The following DCAF8L2 variants were observed in gnomAD, a reference collection of about 807,000 sequenced individuals.
DCAF8L2 encodes the protein DDB1- and CUL4-associated factor 8-like protein 2.
For synonymous variants in DCAF8L2, 200 were observed against 190.9 expected (o/e 1.05, Z -0.39); for missense variants, 430 against 490.7 (o/e 0.88, Z 1.17).
At chrX:27,510,300 T>C in the DCAF8L2 span, among the ~76,000 whole-genome samples, 1 of 110,191 alleles carries the variant, frequency 9.1e-6, no homozygotes, top group Admixed American at 9.8e-5. Context: ...CAGAGTGGTG[T>C]GTAGGATGTA....
At chrX:27,735,854 A>G (rs1041376623) in intron 4 of DCAF8L2, among the ~76,000 whole-genome samples, 1 of 111,602 alleles carries the variant, frequency 9.0e-6, no homozygotes, top group Non-Finnish European at 1.9e-5. Context: ...ATAGAATCGG[A>G]AATTTAGGCC....
chrX:27,619,563 G>T (rs755585684), intron 1 of DCAF8L2, among the ~76,000 whole-genome samples: 4 of 111,732 alleles, frequency 3.6e-5, no homozygotes, highest in Non-Finnish European at 7.5e-5. Context: ...AGTTGGCACA[G>T]AAGTCAGGAA....
the DCAF8L2 span, among the ~76,000 whole-genome samples, chrX:27,569,280 GC>G: frequency 1.3e-4 from 15 of 111,255 alleles, no homozygotes; most frequent in Non-Finnish European, 1.5e-4. Context: ...TATCTTTCAG[GC>G]TTGTTTCTGT....
At chrX:27,626,664 T>C (rs1188307981) in intron 1 of DCAF8L2, among the ~76,000 whole-genome samples, 2 of 112,119 alleles carry the variant, frequency 1.8e-5, no homozygotes, top group Non-Finnish European at 3.8e-5. Flanking sequence ...CTTATGAAGA[T>C]AAGTCACCAT....
chrX:27,542,699 C>T, the DCAF8L2 span, among the ~76,000 whole-genome samples: 1 of 106,785 alleles, frequency 9.4e-6, no homozygotes, highest in Non-Finnish European at 1.9e-5. Context: ...CCCGCCACTA[C>T]GCCCGGCTAA....
At chrX:27,592,534 T>TCCCCTGCCTC (rs1926159728) in intron 1 of DCAF8L2, among the ~76,000 whole-genome samples, 1 of 109,297 alleles carries the variant, frequency 9.1e-6, no homozygotes, top group Non-Finnish European at 1.9e-5. Context: ...CCTCCTGGGT[T>TCCCCTGCCTC]CAAGCGATTC....
In DCAF8L2 at chrX:27,748,203, G is replaced by C; in HGVS notation, c.1308G>C (p.Glu436Asp). 1 of 1,212,091 alleles carries C rather than the reference G, an allele frequency of 8.3e-7. No homozygotes were observed. The highest frequency in any genetic ancestry group is 1.1e-6 in the Non-Finnish European group (1 of 895,590). The change falls in exon 5 of 5, where the codon GAG (glutamate) becomes GAC (aspartate). Residue 436 changes from glutamate (E) to aspartate (D), a missense_variant. Transcript: ENST00000451261. Reference protein sequence around the residue: ...TCVVYSHDGTELLASYNDDDI... With the variant: ...TCVVYSHDGTDLLASYNDDDI... Reference sequence around the variant, plus strand: ...TTGTGTACAGCCACGATGGCACAGAGCTGCTAGCCAGCTACAATGATGACG... The same window carrying C: ...TTGTGTACAGCCACGATGGCACAGACCTGCTAGCCAGCTACAATGATGACG...
the DCAF8L2 span, among the ~76,000 whole-genome samples, chrX:27,511,998 G>A: frequency 5.4e-5 from 6 of 112,011 alleles, no homozygotes; most frequent in African/African-American, 1.9e-4. Flanking sequence ...AAACATTGAT[G>A]AAAGAAATTG....
chrX:27,565,862 C>A, the DCAF8L2 span, among the ~76,000 whole-genome samples: 1 of 110,205 alleles, frequency 9.1e-6, no homozygotes, highest in East Asian at 2.9e-4. Flanking sequence ...CTTGGTGGGG[C>A]CGGGGGATCT....
the DCAF8L2 span, among the ~76,000 whole-genome samples, chrX:27,557,373 T>C: frequency 8.9e-6 from 1 of 112,080 alleles, no homozygotes; most frequent in Non-Finnish European, 1.9e-5. Context: ...ATTTTAAAGG[T>C]TAATTTCGTC....
intron 2 of DCAF8L2, among the ~76,000 whole-genome samples, chrX:27,634,183 C>G (rs897290625): frequency 2.7e-5 from 3 of 111,542 alleles, no homozygotes; most frequent in African/African-American, 6.5e-5. Context: ...GTTATAACGT[C>G]CTAACTTGTC....
chrX:27,601,013 C>A (rs1167490593), intron 1 of DCAF8L2, among the ~76,000 whole-genome samples: 2 of 110,091 alleles, frequency 1.8e-5, no homozygotes, highest in African/African-American at 6.6e-5. Flanking sequence ...TCATAGCTCA[C>A]TGCAGCCTGG....
intron 2 of DCAF8L2, among the ~76,000 whole-genome samples, chrX:27,653,988 C>T (rs752259424): frequency 9.0e-6 from 1 of 111,643 alleles, no homozygotes. Context: ...CCCTCTCCTT[C>T]CAGGCACTTG....
chrX:27,563,097 A>G, the DCAF8L2 span, among the ~76,000 whole-genome samples: 1 of 111,701 alleles, frequency 9.0e-6, no homozygotes, highest in African/African-American at 3.3e-5. Context: ...TCTTATTTGC[A>G]TATATTTATA....
chrX:27,545,589 T>C, the DCAF8L2 span, among the ~76,000 whole-genome samples: 3 of 111,476 alleles, frequency 2.7e-5, no homozygotes, highest in African/African-American at 9.8e-5. Flanking sequence ...GGAGCGGATT[T>C]CCCCCTTGCT....
chrX:27,519,757 G>A, the DCAF8L2 span: 38 of 547,470 alleles, frequency 6.9e-5, no homozygotes, highest in East Asian at 9.0e-4. Flanking sequence ...CCAAGCCAGA[G>A]ATGAAACCAA....
At chrX:27,580,790 C>G in the DCAF8L2 span, among the ~76,000 whole-genome samples, 1 of 111,545 alleles carries the variant, frequency 9.0e-6, no homozygotes. Flanking sequence ...TGATAGAACC[C>G]TTTAATGCTG....
the DCAF8L2 span, among the ~76,000 whole-genome samples, chrX:27,469,112 C>T: frequency 8.9e-6 from 1 of 111,855 alleles, no homozygotes; most frequent in African/African-American, 3.2e-5. Context: ...AATCTGCTCA[C>T]ACCTCATGAA....
At chrX:27,533,257 A>T in the DCAF8L2 span, among the ~76,000 whole-genome samples, 739 of 101,866 alleles carry the variant, frequency 7.3e-3, 8 homozygotes, top group African/African-American at 0.013. Context: ...AGAAAGAAAG[A>T]AAGTCAAGCC....
Sources: gnomAD v4.1 joint callset for allele counts (sites outside exome capture counted in the v4.1 genomes callset) on GRCh38, gnomAD v4.1.1 for gene constraint, MANE v1.5 for transcripts, NCBI Gene and HGNC (gene_info 2026-07-23, HGNC 2026-07-21) for gene names.